The following RUNX1 variants were observed in gnomAD, a reference collection of about 807,000 sequenced individuals.
The protein encoded by RUNX1 is RUNX family transcription factor 1.
Under a neutral mutation model 42.8 loss-of-function variants are expected in RUNX1, and 19 were observed. That is an observed-to-expected ratio of 0.44 (90% CI 0.31 to 0.65). The LOEUF (loss-of-function observed/expected upper bound fraction) is 0.65. Ranked by LOEUF, RUNX1 falls within the 30% of genes least tolerant of loss-of-function variation. The pLI, the probability that RUNX1 is intolerant of heterozygous loss-of-function variation, is 0.07. For missense variants in RUNX1, 528 were observed against 672.0 expected (o/e 0.79, Z 2.37); for synonymous variants, 271 against 289.4 (o/e 0.94, Z 0.64).
At chr21:35,009,395 G>C (rs2059109084) in intron 2 of RUNX1, among the ~76,000 whole-genome samples, 1 of 152,170 alleles carries the variant, frequency 6.6e-6, no homozygotes, top group Non-Finnish European at 1.5e-5. Flanking sequence ...ACCCCACCGA[G>C]TGAGTGTTGT....
intron 2 of RUNX1, among the ~76,000 whole-genome samples, chr21:35,017,364 G>A (rs966610896): frequency 2.6e-5 from 4 of 152,290 alleles, no homozygotes; most frequent in African/African-American, 9.6e-5. Flanking sequence ...GGAGCTCCGA[G>A]TGAACAAAGG....
intron 2 of RUNX1, among the ~76,000 whole-genome samples, chr21:34,991,231 C>A (rs4816502): frequency 0.24 from 36,723 of 152,134 alleles, 5,278 homozygotes; most frequent in East Asian, 0.39. Flanking sequence ...CTACCTGCCC[C>A]TAGATCCCTG....
intron 2 of RUNX1, among the ~76,000 whole-genome samples, chr21:34,972,168 C>T (rs191621703): frequency 2.0e-5 from 3 of 152,318 alleles, no homozygotes; most frequent in African/African-American, 7.2e-5. Flanking sequence ...GCCTGTCCTG[C>T]TCTGACTTTC....
intron 4 of RUNX1, among the ~76,000 whole-genome samples, chr21:34,886,074 G>A (rs533928802): frequency 6.6e-6 from 1 of 152,330 alleles, no homozygotes; most frequent in East Asian, 1.9e-4. Context: ...CTCCGGCTAC[G>A]CGCCGCCCCC....
chr21:34,961,816 G>A (rs1463342981), intron 2 of RUNX1, among the ~76,000 whole-genome samples: 1 of 152,154 alleles, frequency 6.6e-6, no homozygotes, highest in Non-Finnish European at 1.5e-5. Flanking sequence ...AGTAAATTAT[G>A]TCTCTGAATT....
intron 2 of RUNX1, among the ~76,000 whole-genome samples, chr21:34,972,496 T>C (rs2058770344): frequency 6.6e-6 from 1 of 152,222 alleles, no homozygotes; most frequent in East Asian, 1.9e-4. Context: ...AAACTCCTGT[T>C]CCTAAAAAGT....
intron 2 of RUNX1, among the ~76,000 whole-genome samples, chr21:34,942,674 A>G (rs2058536457): frequency 6.6e-6 from 1 of 152,218 alleles, no homozygotes; most frequent in South Asian, 2.1e-4. Context: ...AGTGGTGAGG[A>G]CAATTAGCAG....
chr21:35,003,297 G>A (rs11700942), intron 2 of RUNX1, among the ~76,000 whole-genome samples: 33,441 of 152,100 alleles, frequency 0.22, 4,011 homozygotes, highest in African/African-American at 0.28. Flanking sequence ...TTGGCTGGGT[G>A]AGAGCAAGTC....
intron 7 of RUNX1, chr21:34,834,062 G>T: frequency 2.1e-6 from 1 of 472,274 alleles, no homozygotes; most frequent in Non-Finnish European, 4.1e-6. Flanking sequence ...CAAGCCTAAT[G>T]GGTAGGTAAA....
At chr21:35,039,499 T>G (rs541603536) in intron 2 of RUNX1, among the ~76,000 whole-genome samples, 20 of 152,294 alleles carry the variant, frequency 1.3e-4, no homozygotes, top group African/African-American at 4.8e-4. Flanking sequence ...TATACAGAAC[T>G]ATATATATAC....
chr21:34,808,171 C>T (rs1196284372), intron 7 of RUNX1, among the ~76,000 whole-genome samples: 1 of 152,240 alleles, frequency 6.6e-6, no homozygotes, highest in Admixed American at 6.5e-5. Flanking sequence ...ATTTGCCAAC[C>T]GTTCGTCTCT....
intron 2 of RUNX1, among the ~76,000 whole-genome samples, chr21:34,966,899 G>A (rs896286884): frequency 1.3e-5 from 2 of 152,038 alleles, no homozygotes; most frequent in East Asian, 1.9e-4. Context: ...ATGAAAATGT[G>A]CCAGATGAGG....
intron 2 of RUNX1, among the ~76,000 whole-genome samples, chr21:34,904,187 A>G (rs2058199490): frequency 6.6e-6 from 1 of 152,126 alleles, no homozygotes; most frequent in Admixed American, 6.5e-5. Flanking sequence ...AAATACTACC[A>G]TTTAAAACTA....
intron 3 of RUNX1, chr21:34,888,571 C>T (rs1158625728): frequency 2.8e-6 from 3 of 1,062,242 alleles, no homozygotes; most frequent in African/African-American, 3.3e-5. Flanking sequence ...GGTTGACTTC[C>T]TTCTGGCGTC....
chr21:34,914,579 G>T (rs1305742288), intron 2 of RUNX1, among the ~76,000 whole-genome samples: 1 of 152,172 alleles, frequency 6.6e-6, no homozygotes, highest in African/African-American at 2.4e-5. Flanking sequence ...CATATGGTCA[G>T]TTGGGCGTAT....
intron 2 of RUNX1, among the ~76,000 whole-genome samples, chr21:34,921,788 T>C (rs2058355999): frequency 6.6e-6 from 1 of 152,100 alleles, no homozygotes; most frequent in African/African-American, 2.4e-5. Flanking sequence ...TGCACCACCA[T>C]ACCTGGCGAA....
At chr21:35,023,736 A>G (rs1429935657) in intron 2 of RUNX1, among the ~76,000 whole-genome samples, 1 of 152,182 alleles carries the variant, frequency 6.6e-6, no homozygotes, top group Non-Finnish European at 1.5e-5. Context: ...GGGCACAGGA[A>G]TCCAGTCAAC....
chr21:34,906,971 C>T (rs764758917), intron 2 of RUNX1, among the ~76,000 whole-genome samples: 1 of 152,182 alleles, frequency 6.6e-6, no homozygotes, highest in African/African-American at 2.4e-5. Context: ...GAGTCACGTG[C>T]CCTTTTGTGG....
intron 2 of RUNX1, among the ~76,000 whole-genome samples, chr21:34,922,747 G>A (rs931602685): frequency 2.5e-4 from 38 of 152,156 alleles, no homozygotes; most frequent in Admixed American, 2.4e-3. Context: ...CTTCTGGTAG[G>A]ATAGCACCAG....
Sources: allele counts gnomAD v4.1 joint callset (sites outside exome capture counted in the v4.1 genomes callset), GRCh38; gene constraint gnomAD v4.1.1; transcripts MANE v1.5; gene names NCBI Gene and HGNC (gene_info 2026-07-23, HGNC 2026-07-21).